The following RAB11FIP4 variants were observed in gnomAD, a reference collection of about 807,000 sequenced individuals.
The protein encoded by RAB11FIP4 is rab11 family-interacting protein 4.
In RAB11FIP4, 23 loss-of-function variants were observed where a neutral mutation model predicts 74.3. The ratio of observed to expected loss-of-function variants is 0.31; its 90% CI spans 0.22 to 0.44. The LOEUF (loss-of-function observed/expected upper bound fraction) is 0.44. Among genes scored for constraint, RAB11FIP4 ranks in the 20% least tolerant of loss-of-function variants. RAB11FIP4 has a pLI of 1.00. For synonymous variants in RAB11FIP4, 360 were observed against 359.9 expected (o/e 1.00, Z 0.00); for missense variants, 630 against 863.9 (o/e 0.73, Z 3.39).
rs1445832464 is a variant in RAB11FIP4 at position 31,512,620 on chromosome 17, A to G, written c.337-5031A>G. Among the ~76,000 whole-genome samples, 1 of 152,160 alleles carries G rather than the reference A, an allele frequency of 6.6e-6. No homozygotes were observed. Among genetic ancestry groups the G allele is most frequent in the Non-Finnish European group, 1.5e-5 (1 of 68,002 alleles). On this transcript the variant is annotated intron_variant, in intron 3 of 14. Coordinates refer to ENST00000621161, the MANE Select transcript of RAB11FIP4 (RefSeq NM_032932.6). This position sits in a 1 kb window ranked among gnomAD's most constrained non-coding sequence, Gnocchi z 4.1. ...CCAGGGTACAGGGAGCTGTGAGCTC[A>G]GGGCTGGCTCTGGGTCTTGAGGGAC...
rs2072977913 is a variant in RAB11FIP4 at position 31,537,112 on chromosome 17, A to G, written c.*5380A>G. 7.5e-6 allele frequency: 3 copies of G among 399,330 alleles called. No individual in the cohort carries two copies. The highest frequency in any genetic ancestry group is 2.1e-5 in the African/African-American group (1 of 48,590). The allele number at this position is 399,330 out of a possible 1,614,324, so 24.7% of individuals were successfully genotyped here. On this transcript the variant is annotated 3_prime_UTR_variant, in exon 15 of 15. Coordinates refer to ENST00000621161, the MANE Select transcript of RAB11FIP4 (RefSeq NM_032932.6). ...TGCTGCACAGGCTGTTTTCATCTGCATGGTTTGGGGTCTTTGTCCTTGTGC... is the reference window on the plus strand; with the variant it reads ...TGCTGCACAGGCTGTTTTCATCTGCGTGGTTTGGGGTCTTTGTCCTTGTGC...
chr17:31,414,366 C>A (rs989419913), intron 1 of RAB11FIP4, among the ~76,000 whole-genome samples: 1 of 152,252 alleles, frequency 6.6e-6, no homozygotes, highest in South Asian at 2.1e-4. Flanking sequence ...ACAGGCCAGT[C>A]AGTCTGGCTG....
At position 31,488,262 on chromosome 17, in the gene RAB11FIP4, T is replaced by C. The variant is rs868580453; in HGVS notation, c.337-29389T>C. ...CCGCGGATGCGCACCCCGCCAGCTC[T>C]CGGGAGCCAGGTAAGCGGCGGCCCC... On this transcript the variant is annotated intron_variant, in intron 3 of 14. Transcript: ENST00000621161. 459 of 1,173,018 alleles carry C rather than the reference T, an allele frequency of 3.9e-4. 2 individuals carry two copies. The African/African-American group carries it at 5.4e-3, about 14-fold the overall frequency. The allele number at this position is 1,173,018 out of a possible 1,614,324, so 72.7% of individuals were successfully genotyped here. A position where few individuals can be genotyped will look rare whatever the true frequency, so the allele number is the denominator to read the frequency against.
Position 31,522,073 on chromosome 17 carries a change from G to T in RAB11FIP4, c.893+24G>T, listed in dbSNP as rs778572191. The T allele has an allele frequency of 1.1e-5, 18 of 1,613,626 alleles. No homozygotes were observed. The South Asian group carries it at 1.3e-4, about 12-fold the overall frequency. On this transcript the variant is annotated intron_variant, in intron 6 of 14. Coordinates refer to ENST00000621161, the MANE Select transcript of RAB11FIP4 (RefSeq NM_032932.6). ...AGGTGAGGCCCAGGCCCAGCTGGGG[G>T]GTGAGAGGCCGGGGGGCCAGGGCAG...
chr17:31,522,639 A>G, intron 7 of RAB11FIP4: 1 of 545,042 alleles, frequency 1.8e-6, no homozygotes, highest in Non-Finnish European at 3.2e-6. Flanking sequence ...CCTTGACTTC[A>G]GGCAGGCATG....
intron 1 of RAB11FIP4, among the ~76,000 whole-genome samples, chr17:31,401,172 T>A (rs1290189596): frequency 1.3e-5 from 2 of 151,632 alleles, no homozygotes; most frequent in Non-Finnish European, 2.9e-5. Flanking sequence ...CTCGGGAGGC[T>A]GAGGTGGGAG....
chr17:31,408,468 C>G (rs1272948654), intron 1 of RAB11FIP4, among the ~76,000 whole-genome samples: 1 of 151,926 alleles, frequency 6.6e-6, no homozygotes, highest in African/African-American at 2.4e-5. Context: ...TACTTTTTTT[C>G]CATTGATTTT....
intron 3 of RAB11FIP4, among the ~76,000 whole-genome samples, chr17:31,493,219 T>G (rs1479445573): frequency 6.6e-6 from 1 of 152,220 alleles, no homozygotes; most frequent in Non-Finnish European, 1.5e-5. Context: ...GTGGGTTCTT[T>G]CCCAACAATG....
intron 3 of RAB11FIP4, among the ~76,000 whole-genome samples, chr17:31,447,864 G>A (rs926129210): frequency 2.0e-5 from 3 of 148,374 alleles, no homozygotes; most frequent in Non-Finnish European, 4.5e-5. Flanking sequence ...TCTAGCACCC[G>A]GGTTGGAGTG....
At chr17:31,443,565 C>G (rs903000436) in intron 3 of RAB11FIP4, among the ~76,000 whole-genome samples, 1 of 152,130 alleles carries the variant, frequency 6.6e-6, no homozygotes, top group Non-Finnish European at 1.5e-5. Flanking sequence ...TGGCTGGAAC[C>G]AGCAGCTTCT....
At position 31,448,413 on chromosome 17, in the gene RAB11FIP4, G is replaced by GTTTTTTTTTTTTTTTT. The variant is rs1567659533; in HGVS notation, c.336+14291_336+14292insTTTTTTTTTTTTTTTT. 7 of 29,722 alleles carry GTTTTTTTTTTTTTTTT rather than the reference G, an allele frequency of 2.4e-4. 1 individual carries two copies. The highest frequency in any genetic ancestry group is 9.1e-4 in the African/African-American group (4 of 4,410). 1.8% of individuals were successfully genotyped at this position (29,722 alleles called of 1,614,324 possible). On this transcript the variant is annotated intron_variant, in intron 3 of 14. Coordinates refer to ENST00000621161, the MANE Select transcript of RAB11FIP4 (RefSeq NM_032932.6). ...GCTAATTTTTTTTTTTTTTTTTTTG[G>GTTTTTTTTTTTTTTTT]CAGAGACCGGGTCTAGCTATGTTGC... is the stretch of plus-strand genomic sequence containing the variant.
At chr17:31,516,432 CAAACA>C (rs2072547513) in intron 3 of RAB11FIP4, among the ~76,000 whole-genome samples, 1 of 152,116 alleles carries the variant, frequency 6.6e-6, no homozygotes, top group Non-Finnish European at 1.5e-5. Context: ...ACAAAATGCA[CAAACA>C]AAACAAAGAA....
At chr17:31,489,550 G>T (rs2071967018) in intron 3 of RAB11FIP4, among the ~76,000 whole-genome samples, 1 of 152,174 alleles carries the variant, frequency 6.6e-6, no homozygotes, top group Non-Finnish European at 1.5e-5. Context: ...CTGCTTTCTG[G>T]CTTTCGGGGA....
At chr17:31,472,212 C>A (rs371167288) in intron 3 of RAB11FIP4, among the ~76,000 whole-genome samples, 3 of 152,120 alleles carry the variant, frequency 2.0e-5, no homozygotes, top group African/African-American at 7.2e-5. Flanking sequence ...GGCTGCCCAC[C>A]TGAGGTCAGG....
intron 3 of RAB11FIP4, among the ~76,000 whole-genome samples, chr17:31,459,677 T>C (rs1211624121): frequency 2.0e-5 from 3 of 150,514 alleles, no homozygotes; most frequent in Non-Finnish European, 2.9e-5. Context: ...TCTCCTAGAA[T>C]TCCCTGTTTC....
At chr17:31,489,204 C>A (rs1451871533) in intron 3 of RAB11FIP4, among the ~76,000 whole-genome samples, 1 of 152,204 alleles carries the variant, frequency 6.6e-6, no homozygotes, top group East Asian at 1.9e-4. Context: ...CACCAAACTT[C>A]TGCCCTGCCC....
intron 3 of RAB11FIP4, among the ~76,000 whole-genome samples, chr17:31,517,217 G>GGGGGGGGGGGGGGGGT (rs2072573674): frequency 7.6e-6 from 1 of 131,486 alleles, no homozygotes; most frequent in Non-Finnish European, 1.7e-5. Flanking sequence ...GGGGGGGGCG[G>GGGGGGGGGGGGGGGGT]GGGGGAAGGG....
intron 1 of RAB11FIP4, among the ~76,000 whole-genome samples, chr17:31,409,288 G>A (rs182512076): frequency 3.5e-4 from 53 of 152,284 alleles, no homozygotes; most frequent in African/African-American, 9.4e-4. Flanking sequence ...CCCCCTCTCC[G>A]CTCCGTTCTC....
rs150793090 is a variant in RAB11FIP4 at position 31,484,219 on chromosome 17, C to T, written c.337-33432C>T. 7.2e-5 allele frequency among the ~76,000 whole-genome samples: 11 copies of T among 151,918 alleles called. No individual in the cohort carries two copies. In the East Asian group the frequency reaches 1.6e-3, roughly 21 times the overall value. ...CAGAGTGTCTGGGATTACAAGCGCT[C>T]GCCACTACACCCAGCTAATTTTTGT... On this transcript the variant is annotated intron_variant, in intron 3 of 14. Coordinates refer to ENST00000621161, the MANE Select transcript of RAB11FIP4 (RefSeq NM_032932.6).
Sources: gnomAD v4.1 joint callset for allele counts (sites outside exome capture counted in the v4.1 genomes callset) on GRCh38, gnomAD v4.1.1 for gene constraint, Gnocchi (gnomAD v3.1) non-coding constraint, MANE v1.5 for transcripts, NCBI Gene and HGNC (gene_info 2026-07-23, HGNC 2026-07-21) for gene names.